Variants in GFRAL observed in about 807,000 individuals in gnomAD.
The protein encoded by GFRAL is GDNF family receptor alpha-like.
In GFRAL, 36 loss-of-function variants were observed where a neutral mutation model predicts 45.4. The ratio of observed to expected loss-of-function variants is 0.79; its 90% CI spans 0.61 to 1.05. The LOEUF (loss-of-function observed/expected upper bound fraction) is 1.05. Ranked by LOEUF, GFRAL falls within the 50% of genes least tolerant of loss-of-function variation. GFRAL has a pLI of 0.00. For missense variants in GFRAL, 507 were observed against 467.5 expected, an observed-to-expected ratio of 1.08 and a Z score of -0.78; for synonymous variants, 166 against 154.1, an observed-to-expected ratio of 1.08 and a Z score of -0.57.
At chr6:55,335,509 A>G (rs967939344) in intron 3 of GFRAL, among the ~76,000 whole-genome samples, 18 of 152,262 alleles carry the variant, frequency 1.2e-4, no homozygotes, top group Middle Eastern at 3.4e-3. Context: ...GTTGCATCTA[A>G]TAAATATTTA....
intron 6 of GFRAL, among the ~76,000 whole-genome samples, chr6:55,362,098 A>T (rs1381740820): frequency 6.6e-6 from 1 of 151,936 alleles, no homozygotes. Flanking sequence ...TTTAAGACTT[A>T]CTAACATGTT....
chr6:55,392,604 C>T (rs1021431417), intron 6 of GFRAL, among the ~76,000 whole-genome samples: 1 of 152,140 alleles, frequency 6.6e-6, no homozygotes, highest in Non-Finnish European at 1.5e-5. Context: ...TCACATCGCC[C>T]TCTCTAAGCA....
At chr6:55,343,467 C>A (rs1369400299) in intron 3 of GFRAL, among the ~76,000 whole-genome samples, 1 of 152,164 alleles carries the variant, frequency 6.6e-6, no homozygotes, top group Non-Finnish European at 1.5e-5. Context: ...TAAAGATGTT[C>A]TTTGAAAACA....
At position 55,374,053 on chromosome 6, in the gene GFRAL, T is replaced by C. The variant is rs529775038; in HGVS notation, c.952+14915T>C. 2.6e-5 allele frequency among the ~76,000 whole-genome samples: 4 copies of C among 152,316 alleles called. No homozygotes were observed. In the South Asian group the frequency reaches 8.3e-4, roughly 32 times the overall value. ...CTGAGGATAATGGCTTCCAATTCCA[T>C]CCATTTTCCTGAAAAGGATATGATC... On this transcript the variant is annotated intron_variant, in intron 6 of 8. Transcript: ENST00000340465.
chr6:55,342,480 A>AT (rs1767981719), intron 3 of GFRAL, among the ~76,000 whole-genome samples: 2 of 152,244 alleles, frequency 1.3e-5, no homozygotes, highest in East Asian at 3.9e-4. Context: ...ATGCTGAGAG[A>AT]TTTTGTCACC....
intron 3 of GFRAL, among the ~76,000 whole-genome samples, chr6:55,343,014 C>A (rs1055673614): frequency 1.3e-5 from 2 of 152,206 alleles, no homozygotes; most frequent in Admixed American, 6.5e-5. Flanking sequence ...CAGGAGCACC[C>A]AGATTCATAA....
intron 6 of GFRAL, among the ~76,000 whole-genome samples, chr6:55,384,820 C>T (rs577721981): frequency 5.3e-5 from 8 of 149,582 alleles, no homozygotes; most frequent in Non-Finnish European, 1.0e-4. Context: ...GAAAATCTCC[C>T]TTAAGTTCAC....
At chr6:55,375,967 A>T (rs1275457997) in intron 6 of GFRAL, among the ~76,000 whole-genome samples, 1 of 152,064 alleles carries the variant, frequency 6.6e-6, no homozygotes, top group Non-Finnish European at 1.5e-5. Flanking sequence ...CAGCTTTTGC[A>T]CATTCAGTAT....
intron 3 of GFRAL, among the ~76,000 whole-genome samples, chr6:55,334,854 T>TC (rs1767872140): frequency 6.6e-6 from 1 of 152,236 alleles, no homozygotes. Flanking sequence ...CATTAATTTT[T>TC]CTCATGTGTA....
At chr6:55,338,718 G>A (rs2127351318) in intron 3 of GFRAL, among the ~76,000 whole-genome samples, 1 of 152,264 alleles carries the variant, frequency 6.6e-6, no homozygotes, top group East Asian at 1.9e-4. Context: ...GATAATTTAA[G>A]CAGAAGAAAC....
At chr6:55,382,434 T>C (rs1257230344) in intron 6 of GFRAL, among the ~76,000 whole-genome samples, 1 of 151,972 alleles carries the variant, frequency 6.6e-6, no homozygotes, top group Non-Finnish European at 1.5e-5. Context: ...TCTACAACTT[T>C]TAGGTTTTAT....
Position 55,339,691 on chromosome 6 carries a change from A to C in GFRAL, c.316+5747A>C, listed in dbSNP as rs950584955. 7.2e-5 allele frequency among the ~76,000 whole-genome samples: 11 copies of C among 152,332 alleles called. No individual in the cohort carries two copies. In the South Asian group the frequency reaches 1.2e-3, roughly 17 times the overall value. ...AAAGATAGGGACTGATAATGGCATT[A>C]ATTTGCTACTTAGTAGATATTACTA... On this transcript the variant is annotated intron_variant, in intron 3 of 8. Transcript: ENST00000340465.
intron 6 of GFRAL, among the ~76,000 whole-genome samples, chr6:55,373,469 G>T (rs1050929911): frequency 2.6e-5 from 4 of 152,086 alleles, no homozygotes; most frequent in Non-Finnish European, 5.9e-5. Flanking sequence ...TTAAAAATGT[G>T]TTAGATTTCT....
At chr6:55,374,216 G>T (rs1177057740) in intron 6 of GFRAL, among the ~76,000 whole-genome samples, 1 of 152,112 alleles carries the variant, frequency 6.6e-6, no homozygotes, top group African/African-American at 2.4e-5. Flanking sequence ...ACATATCCAT[G>T]CACATATCTT....
chr6:55,355,206 C>A (rs1240039038), intron 5 of GFRAL, among the ~76,000 whole-genome samples: 1 of 151,324 alleles, frequency 6.6e-6, no homozygotes, highest in Admixed American at 6.6e-5. Flanking sequence ...TAAGAAAATT[C>A]ACACATCAGG....
intron 3 of GFRAL, among the ~76,000 whole-genome samples, chr6:55,339,124 C>T (rs1316215434): frequency 6.6e-6 from 1 of 151,980 alleles, no homozygotes; most frequent in East Asian, 1.9e-4. Flanking sequence ...GAATAATAAT[C>T]AATAGGAATT....
At chr6:55,352,464 G>T (rs1768130723) in intron 5 of GFRAL, among the ~76,000 whole-genome samples, 3 of 152,166 alleles carry the variant, frequency 2.0e-5, no homozygotes, top group South Asian at 4.1e-4. Flanking sequence ...GGCAGCAGAT[G>T]CTGGGTGCTT....
At chr6:55,362,260 T>A (rs567574981) in intron 6 of GFRAL, among the ~76,000 whole-genome samples, 1 of 148,614 alleles carries the variant, frequency 6.7e-6, no homozygotes, top group East Asian at 1.9e-4. Flanking sequence ...TTCTCCTGTT[T>A]GTGAAATGAT....
intron 5 of GFRAL, among the ~76,000 whole-genome samples, chr6:55,353,990 G>A (rs937433769): frequency 6.6e-6 from 1 of 151,910 alleles, no homozygotes; most frequent in African/African-American, 2.4e-5. Flanking sequence ...AGGGCCAGGG[G>A]CACCATGGTT....
Sources: allele counts gnomAD v4.1 joint callset (sites outside exome capture counted in the v4.1 genomes callset), GRCh38; gene constraint gnomAD v4.1.1; transcripts MANE v1.5; gene names NCBI Gene and HGNC (gene_info 2026-07-23, HGNC 2026-07-21).